The following GRM7 variants were observed in gnomAD, a reference collection of about 807,000 sequenced individuals.
GRM7 encodes glutamate metabotropic receptor 7, also known as metabotropic glutamate receptor 7.
Under a neutral mutation model 84.5 loss-of-function variants are expected in GRM7, and 35 were observed. That is an observed-to-expected ratio of 0.41 (90% CI 0.32 to 0.55). The LOEUF is 0.55. Ranked by LOEUF, GRM7 falls within the 20% of genes least tolerant of loss-of-function variation. GRM7 has a pLI of 0.19. For missense variants in GRM7, 1,003 were observed against 1,194.6 expected (o/e 0.84, Z 2.36); for synonymous variants, 487 against 455.1 (o/e 1.07, Z -0.89).
intron 1 of GRM7, among the ~76,000 whole-genome samples, chr3:6,889,570 C>G (rs556822399): frequency 6.6e-6 from 1 of 152,150 alleles, no homozygotes; most frequent in Non-Finnish European, 1.5e-5. Context: ...CCTTGCATCC[C>G]AGGGATGAAG....
intron 8 of GRM7, among the ~76,000 whole-genome samples, chr3:7,675,447 CA>C (rs1289877183): frequency 6.6e-6 from 1 of 152,134 alleles, no homozygotes; most frequent in Non-Finnish European, 1.5e-5. Context: ...AACATCCTAG[CA>C]ATTGAAAATT....
chr3:7,348,471 T>G (rs1175339662), intron 4 of GRM7, among the ~76,000 whole-genome samples: 2 of 152,154 alleles, frequency 1.3e-5, no homozygotes, highest in Non-Finnish European at 1.5e-5. Flanking sequence ...TATCCCAGAA[T>G]ATTCCTTATT....
At chr3:7,254,112 T>C (rs1408108322) in intron 2 of GRM7, among the ~76,000 whole-genome samples, 1 of 152,172 alleles carries the variant, frequency 6.6e-6, no homozygotes, top group Non-Finnish European at 1.5e-5. Flanking sequence ...GGCACTCTTG[T>C]TTCACAGCTA....
intron 2 of GRM7, among the ~76,000 whole-genome samples, chr3:7,229,625 T>G (rs1051291846): frequency 5.4e-5 from 8 of 149,022 alleles, no homozygotes; most frequent in Non-Finnish European, 1.0e-4. Flanking sequence ...GGTAAATGGA[T>G]TTCCCTGGGA....
At chr3:7,068,149 A>G (rs1363158229) in intron 1 of GRM7, among the ~76,000 whole-genome samples, 1 of 152,010 alleles carries the variant, frequency 6.6e-6, no homozygotes, top group Non-Finnish European at 1.5e-5. Context: ...ATAGACTTAG[A>G]TGTGTTTTAA....
chr3:7,419,582 G>A (rs1156476388), intron 5 of GRM7, among the ~76,000 whole-genome samples: 1 of 152,058 alleles, frequency 6.6e-6, no homozygotes, highest in Non-Finnish European at 1.5e-5. Flanking sequence ...CTCAGAAGGA[G>A]GTTCTGAGAA....
chr3:7,676,411 TAAAC>T (rs1349268365), intron 8 of GRM7, among the ~76,000 whole-genome samples: 1 of 152,234 alleles, frequency 6.6e-6, no homozygotes, highest in East Asian at 1.9e-4. Context: ...GACATTTTGA[TAAAC>T]AGATTATATT....
intron 2 of GRM7, among the ~76,000 whole-genome samples, chr3:7,295,473 A>G (rs1190371197): frequency 1.3e-5 from 2 of 152,184 alleles, no homozygotes; most frequent in East Asian, 3.8e-4. Flanking sequence ...TATTTCCTTT[A>G]CCTTTCCATA....
At chr3:7,520,546 T>G (rs1181875564) in intron 7 of GRM7, among the ~76,000 whole-genome samples, 1 of 152,128 alleles carries the variant, frequency 6.6e-6, no homozygotes, top group African/African-American at 2.4e-5. Context: ...ACTTTTAATT[T>G]TGTTCATCAT....
At chr3:7,260,356 T>C (rs966465266) in intron 2 of GRM7, among the ~76,000 whole-genome samples, 1 of 152,208 alleles carries the variant, frequency 6.6e-6, no homozygotes, top group Non-Finnish European at 1.5e-5. Flanking sequence ...ATGAAATCTT[T>C]GTCAGTTCCT....
chr3:7,359,326 T>A, intron 4 of GRM7, among the ~76,000 whole-genome samples: 1 of 126,874 alleles, frequency 7.9e-6, no homozygotes, highest in Admixed American at 8.2e-5. Context: ...TATTCACCCC[T>A]CCTCCTCTTT....
chr3:6,923,154 A>G (rs534361013), intron 1 of GRM7, among the ~76,000 whole-genome samples: 6 of 152,102 alleles, frequency 3.9e-5, no homozygotes, highest in Admixed American at 1.3e-4. Context: ...AGCTGGGACT[A>G]CTGGTGTGTG....
chr3:6,990,471 C>T (rs1694593081), intron 1 of GRM7, among the ~76,000 whole-genome samples: 1 of 152,102 alleles, frequency 6.6e-6, no homozygotes, highest in Non-Finnish European at 1.5e-5. Context: ...CATTTTTCTT[C>T]TCCTTAGCAA....
chr3:6,924,764 A>G (rs1412189484), intron 1 of GRM7, among the ~76,000 whole-genome samples: 1 of 152,224 alleles, frequency 6.6e-6, no homozygotes, highest in Non-Finnish European at 1.5e-5. Context: ...GTATGTTAGC[A>G]TTAAAAGCAT....
At chr3:6,980,326 T>A (rs926946641) in intron 1 of GRM7, among the ~76,000 whole-genome samples, 8 of 152,152 alleles carry the variant, frequency 5.3e-5, no homozygotes, top group Non-Finnish European at 1.2e-4. Flanking sequence ...GTTGATCTTC[T>A]CTCCAAAAAA....
At chr3:7,385,060 T>C (rs1444545559) in intron 4 of GRM7, among the ~76,000 whole-genome samples, 2 of 152,172 alleles carry the variant, frequency 1.3e-5, no homozygotes, top group African/African-American at 2.4e-5. Context: ...ACATTTTCCC[T>C]TAGGGCTAAA....
At chr3:7,062,745 A>C (rs1697473992) in intron 1 of GRM7, among the ~76,000 whole-genome samples, 1 of 151,760 alleles carries the variant, frequency 6.6e-6, no homozygotes, top group African/African-American at 2.4e-5. Flanking sequence ...GTGATAACCC[A>C]TATCAACATT....
intron 2 of GRM7, among the ~76,000 whole-genome samples, chr3:7,216,583 A>G (rs887911846): frequency 2.0e-5 from 3 of 152,128 alleles, no homozygotes; most frequent in East Asian, 1.9e-4. Flanking sequence ...AAAATAACAC[A>G]TCTTTTGTGG....
At chr3:7,566,035 T>G (rs1169878136) in intron 7 of GRM7, among the ~76,000 whole-genome samples, 2 of 152,208 alleles carry the variant, frequency 1.3e-5, no homozygotes, top group South Asian at 2.1e-4. Context: ...AACTTCTGGC[T>G]TATGAATAGA....
Sources: gnomAD v4.1 joint callset for allele counts (sites outside exome capture counted in the v4.1 genomes callset) on GRCh38, gnomAD v4.1.1 for gene constraint, MANE v1.5 for transcripts, NCBI Gene and HGNC (gene_info 2026-07-23, HGNC 2026-07-21) for gene names.